The following ALX4 variants were observed in gnomAD, a reference collection of about 807,000 sequenced individuals.
ALX4 encodes homeobox protein aristaless-like 4.
In ALX4, 22 loss-of-function variants were observed where a neutral mutation model predicts 40.6. The ratio of observed to expected loss-of-function variants is 0.54; its 90% CI spans 0.39 to 0.77. The LOEUF (loss-of-function observed/expected upper bound fraction) is 0.77. Among genes scored for constraint, ALX4 ranks in the 30% least tolerant of loss-of-function variants. The pLI is 0.00. For synonymous variants in ALX4, 266 were observed against 240.5 expected (o/e 1.11, Z -0.98); for missense variants, 556 against 564.8 (o/e 0.98, Z 0.16).
At chr11:44,275,326 C>T in intron 2 of ALX4, 22 bp downstream of exon 2, 2 of 1,614,026 alleles carry the variant, frequency 1.2e-6, no homozygotes, top group Non-Finnish European at 1.7e-6. Context: ...ACCAGCCTCA[C>T]TCCCAGGTGG....
chr11:44,293,832 G>A (rs1354658604), intron 1 of ALX4, among the ~76,000 whole-genome samples: 1 of 152,252 alleles, frequency 6.6e-6, no homozygotes, highest in Non-Finnish European at 1.5e-5. Context: ...CACAGGAGCT[G>A]CTCCCACATA....
chr11:44,280,916 C>T (rs905856369), intron 1 of ALX4, among the ~76,000 whole-genome samples: 2 of 152,200 alleles, frequency 1.3e-5, no homozygotes, highest in East Asian at 1.9e-4. Context: ...TGGGAGCTGT[C>T]GTTTCTAGTG....
At position 44,275,651 on chromosome 11, in the gene ALX4, C is replaced by G. The variant is rs553689111; in HGVS notation, c.474G>C (p.Glu158Asp). The G allele has an allele frequency of 3.5e-4, 559 of 1,612,854 alleles. 4 individuals are homozygous for G. The South Asian group carries it at 5.7e-3, about 17-fold the overall frequency. Residue 158 changes from glutamate (E) to aspartate (D), a missense_variant, in exon 2 of 4, where the codon GAG (glutamate) becomes GAC (aspartate). Physicochemically the swap from Glu to Asp is conservative, Grantham distance 45. Transcript: ENST00000652299. ...GTAACTCTGGCTCACCCAGGGAGCT[C>G]TCTTTAGCTGAGGGAGGAGGAAACA... The part of the protein sequence containing the change: ...AALQVPCYAK[E>D]SSLGEPELPP...
At chr11:44,285,154 A>G (rs1416097622) in intron 1 of ALX4, among the ~76,000 whole-genome samples, 1 of 152,164 alleles carries the variant, frequency 6.6e-6, no homozygotes, top group Non-Finnish European at 1.5e-5. Flanking sequence ...TAGTAGAGAC[A>G]GGGTTTCGCC....
intron 1 of ALX4, among the ~76,000 whole-genome samples, chr11:44,289,097 C>CA (rs1956355407): frequency 6.6e-6 from 1 of 152,136 alleles, no homozygotes; most frequent in South Asian, 2.1e-4. Context: ...GTCCCCAGGG[C>CA]AAAAGTCTTG....
At chr11:44,299,906 G>A (rs2119883797) in intron 1 of ALX4, among the ~76,000 whole-genome samples, 1 of 152,310 alleles carries the variant, frequency 6.6e-6, no homozygotes, top group East Asian at 1.9e-4. Context: ...TCATAGGATT[G>A]TGATGGTGAT....
intron 1 of ALX4, among the ~76,000 whole-genome samples, chr11:44,278,700 C>T (rs542024760): frequency 1.6e-4 from 25 of 152,312 alleles, no homozygotes; most frequent in African/African-American, 5.3e-4. Flanking sequence ...CCTCGGCCCC[C>T]GCTCTTCTCA....
At chr11:44,297,794 C>T (rs1055354433) in intron 1 of ALX4, among the ~76,000 whole-genome samples, 2 of 152,164 alleles carry the variant, frequency 1.3e-5, no homozygotes, top group African/African-American at 2.4e-5. Flanking sequence ...CCCACCTCAC[C>T]GGCATGCATC....
chr11:44,273,814 G>T (rs140678698), intron 2 of ALX4, among the ~76,000 whole-genome samples: 1 of 152,052 alleles, frequency 6.6e-6, no homozygotes, highest in Middle Eastern at 3.2e-3. Context: ...TATCCCAGGC[G>T]TGGTGGTGTA....
chr11:44,267,292 C>A (rs536432195), intron 3 of ALX4, among the ~76,000 whole-genome samples: 2 of 152,286 alleles, frequency 1.3e-5, no homozygotes, highest in South Asian at 4.1e-4. Context: ...AAAGTTCAGC[C>A]AAGCCTGGTT....
intron 1 of ALX4, among the ~76,000 whole-genome samples, chr11:44,302,552 T>C (rs973262487): frequency 2.0e-5 from 3 of 152,128 alleles, no homozygotes; most frequent in Non-Finnish European, 4.4e-5. Flanking sequence ...TTCTACCTCC[T>C]AGGAGAAGGT....
At chr11:44,282,359 T>C (rs1009765441) in intron 1 of ALX4, among the ~76,000 whole-genome samples, 1 of 152,218 alleles carries the variant, frequency 6.6e-6, no homozygotes, top group Admixed American at 6.5e-5. Flanking sequence ...GTTACGGCGA[T>C]GTATGGAGCA....
chr11:44,280,756 T>C (rs1244640257), intron 1 of ALX4, among the ~76,000 whole-genome samples: 1 of 152,208 alleles, frequency 6.6e-6, no homozygotes, highest in Non-Finnish European at 1.5e-5. Context: ...TGGTATCCAG[T>C]GCTCTTCAAA....
In ALX4 at chr11:44,275,793, C is replaced by A. The variant is rs11037930; in HGVS notation, c.467-135G>T. The A allele has an allele frequency of 1, 801,415 of 803,164 alleles. 399,856 individuals are homozygous for A. Among genetic ancestry groups the A allele is most frequent in the East Asian group, 1 (37,352 of 37,352 alleles). 49.8% of individuals were successfully genotyped at this position (803,164 alleles called of 1,614,324 possible). ...CTTAGAGCTCATTGGATGCGAGGTC[C>A]GGAGACTTGGCTTCTAATTCTGGCT... On this transcript the variant is annotated intron_variant, in intron 1 of 3. Coordinates refer to ENST00000652299, the MANE Select transcript of ALX4 (RefSeq NM_021926.4).
At chr11:44,297,695 G>A (rs1259250607) in intron 1 of ALX4, among the ~76,000 whole-genome samples, 1 of 151,088 alleles carries the variant, frequency 6.6e-6, no homozygotes, top group Non-Finnish European at 1.5e-5. Context: ...CAGCCTGGGT[G>A]ACCGAGTGAG....
intron 1 of ALX4, among the ~76,000 whole-genome samples, chr11:44,291,760 G>A (rs1255658271): frequency 6.6e-6 from 1 of 152,164 alleles, no homozygotes; most frequent in African/African-American, 2.4e-5. Flanking sequence ...GAAAGAATGT[G>A]CTGCTTTCAC....
intron 1 of ALX4, among the ~76,000 whole-genome samples, chr11:44,302,030 G>A (rs889305192): frequency 1.1e-4 from 17 of 152,162 alleles, no homozygotes; most frequent in African/African-American, 1.4e-4. Flanking sequence ...CCTGCCACTC[G>A]GTGAGTCAGC....
intron 1 of ALX4, among the ~76,000 whole-genome samples, chr11:44,290,374 T>G (rs1032949889): frequency 1.3e-5 from 2 of 151,562 alleles, no homozygotes; most frequent in African/African-American, 4.9e-5. Flanking sequence ...TTTGCTACAT[T>G]GATTCATTCA....
rs1033739054 is a variant in ALX4, at chr11:44,296,781, G to A, written c.466+12816C>T. ...CCCAGCACTTTGGGAGGCTGAGGCG[G>A]GTGGATCACCTGAGGTCAGGAGTTC... On this transcript the variant is annotated intron_variant, in intron 1 of 3. Transcript: ENST00000652299. Among the ~76,000 whole-genome samples, 4 of 152,160 alleles carry A rather than the reference G, an allele frequency of 2.6e-5. No individual in the cohort carries two copies. In the East Asian group the frequency reaches 7.7e-4, roughly 29 times the overall value.
Sources: allele counts gnomAD v4.1 joint callset (sites outside exome capture counted in the v4.1 genomes callset), GRCh38; gene constraint gnomAD v4.1.1; transcripts MANE v1.5; gene names NCBI Gene and HGNC (gene_info 2026-07-23, HGNC 2026-07-21).